Variants in SCN2A observed in about 807,000 individuals in gnomAD.
SCN2A encodes sodium voltage-gated channel alpha subunit 2.
In SCN2A, 20 loss-of-function variants were observed where a neutral mutation model predicts 188.7. The ratio of observed to expected loss-of-function variants is 0.11; its 90% CI spans 0.07 to 0.15. The LOEUF is 0.15. Among genes scored for constraint, SCN2A ranks in the 10% least tolerant of loss-of-function variants. The probability of loss-of-function intolerance (pLI) is 1.00; values close to 1 mark genes in which losing one functional copy is unlikely to be tolerated. For synonymous variants in SCN2A, 804 were observed against 833.1 expected, an observed-to-expected ratio of 0.97 and a Z score of 0.60; for missense variants, 1,278 against 2,445.0, an observed-to-expected ratio of 0.52 and a Z score of 10.07.
At chr2:165,302,697 A>C (rs1327617414) in intron 3 of SCN2A, among the ~76,000 whole-genome samples, 1 of 152,158 alleles carries the variant, frequency 6.6e-6, no homozygotes, top group Non-Finnish European at 1.5e-5. Flanking sequence ...TGAAGCCCAC[A>C]TGGCTGGTAA....
intron 1 of SCN2A, chr2:165,240,962 A>G (rs1693594381): frequency 6.6e-6 from 1 of 152,190 alleles, no homozygotes. Context: ...TTTAAAGAAA[A>G]GCAATTGTAA....
chr2:165,279,588 G>T (rs1208523383), intron 1 of SCN2A, among the ~76,000 whole-genome samples: 1 of 152,034 alleles, frequency 6.6e-6, no homozygotes, highest in South Asian at 2.1e-4. Context: ...AAAATAGATG[G>T]ATGGGAAACA....
chr2:165,242,423 G>A (rs530549495), intron 1 of SCN2A, among the ~76,000 whole-genome samples: 2 of 152,086 alleles, frequency 1.3e-5, no homozygotes, highest in Non-Finnish European at 2.9e-5. Flanking sequence ...ATAGGGATCA[G>A]AAACAATAGA....
At chr2:165,366,621 G>A (rs921710468) in intron 18 of SCN2A, among the ~76,000 whole-genome samples, 1 of 150,604 alleles carries the variant, frequency 6.6e-6, no homozygotes, top group African/African-American at 2.4e-5. Context: ...GGCTGAGGCA[G>A]GAGAATCGCT....
In SCN2A at chr2:165,295,784, G is replaced by T; in HGVS notation, c.-40G>T. On this transcript the variant is annotated 5_prime_UTR_variant, in exon 2 of 27. It removes an upstream start codon present in the reference 5' UTR. Transcript: ENST00000375437. Reference sequence around the variant, plus strand: ...CCCTGTTTCTGTAGCACTTTCTTATGCAAGGAGCTAAACAGTGATTAAAGG... The same window carrying T: ...CCCTGTTTCTGTAGCACTTTCTTATTCAAGGAGCTAAACAGTGATTAAAGG... 6.2e-7 allele frequency: 1 copy of T among 1,613,544 alleles called. No homozygotes were observed. Among genetic ancestry groups the T allele is most frequent in the Non-Finnish European group, 8.5e-7 (1 of 1,179,946 alleles).
intron 1 of SCN2A, among the ~76,000 whole-genome samples, chr2:165,294,463 T>C (rs1040896792): frequency 2.0e-5 from 3 of 151,978 alleles, no homozygotes; most frequent in African/African-American, 4.8e-5. Context: ...TACTTCAACA[T>C]TTTTTTTAAA....
intron 1 of SCN2A, chr2:165,290,680 G>T: frequency 3.0e-6 from 2 of 656,002 alleles, no homozygotes; most frequent in Non-Finnish European, 3.8e-6. Flanking sequence ...TGTAAAGTAA[G>T]ACCTGAATAT....
chr2:165,276,781 A>G (rs1695360924), intron 1 of SCN2A, among the ~76,000 whole-genome samples: 1 of 152,208 alleles, frequency 6.6e-6, no homozygotes, highest in Non-Finnish European at 1.5e-5. Flanking sequence ...GTAAAAAGGA[A>G]TCAGTCTCAA....
Position 165,389,716 on chromosome 2 carries a change from G to A in SCN2A, c.5910G>A (p.Thr1970=), listed in dbSNP as rs75057869. The A allele has an allele frequency of 1.5e-3, 2,480 of 1,613,752 alleles. 46 individuals carry two copies. In the East Asian group the frequency reaches 0.033, roughly 22 times the overall value. The change falls in exon 27 of 27, where the codon ACG becomes ACA. Residue 1970 remains threonine (T), a synonymous_variant. Coordinates refer to ENST00000375437, the MANE Select transcript of SCN2A (RefSeq NM_001040142.2). This position sits in a 1 kb window ranked among gnomAD's most constrained non-coding sequence, Gnocchi z 4.2. ...PEKTDMTPST[T]SPPSYDSVTK... ...AAACCGATATGACGCCTTCCACCAC[G>A]TCTCCACCCTCGTATGATAGTGTGA...
intron 11 of SCN2A, chr2:165,320,462 C>T (rs908290198): frequency 1.3e-5 from 2 of 152,300 alleles, no homozygotes; most frequent in Non-Finnish European, 2.9e-5. Context: ...CAGTAGGGAC[C>T]CTGTGTTGGG....
chr2:165,326,766 T>G (rs745609410), intron 12 of SCN2A, 86 bp from the exon 13 acceptor site: 40 of 1,374,460 alleles, frequency 2.9e-5, no homozygotes, highest in Admixed American at 1.5e-4. Context: ...GGTGTATATT[T>G]AGTTAAATAA....
At position 165,344,809 on chromosome 2, in the gene SCN2A, G is replaced by C; in HGVS notation, c.2817G>C (p.Leu939=). 1 of 1,614,202 alleles carries C rather than the reference G, an allele frequency of 6.2e-7. No homozygotes were observed. Among genetic ancestry groups the C allele is most frequent in the Non-Finnish European group, 8.5e-7 (1 of 1,180,038 alleles). ...FHSFLIVFRV[L]CGEWIETMWD... is the part of the protein sequence containing the mutation. ...CCTTCCTGATCGTGTTCCGCGTGCT[G>C]TGTGGAGAGTGGATAGAGACCATGT... Residue 939 remains leucine, a synonymous_variant, in exon 16 of 27, where the codon CTG becomes CTC. Coordinates refer to ENST00000375437, the MANE Select transcript of SCN2A (RefSeq NM_001040142.2).
In SCN2A at chr2:165,354,343, T is replaced by G; in HGVS notation, c.3071T>G (p.Phe1024Cys). The G allele has an allele frequency of 6.2e-7, 1 of 1,614,102 alleles. No homozygotes were observed. ...TTTGTTAAAAGAAAAATACGTGAAT[T>G]TATTCAGAAAGCCTTTGTTAGGAAG... Reference protein sequence around the residue: ...IDFVKRKIREFIQKAFVRKQK... With the variant: ...IDFVKRKIRECIQKAFVRKQK... The change falls in exon 17 of 27, where the codon TTT (phenylalanine) becomes TGT (cysteine). Residue 1024 changes from phenylalanine (F) to cysteine (C), a missense_variant. Physicochemically the swap from Phe to Cys is radical, Grantham distance 205. Around this residue, in one of 17 missense-constraint regions of SCN2A, gnomAD observed 228 missense variants for 297.3 expected, o/e 0.77. Coordinates refer to ENST00000375437, the MANE Select transcript of SCN2A (RefSeq NM_001040142.2).
At chr2:165,387,703 AAT>A (rs1701947156) in intron 26 of SCN2A, among the ~76,000 whole-genome samples, 1 of 152,128 alleles carries the variant, frequency 6.6e-6, no homozygotes, top group Admixed American at 6.5e-5. Context: ...ACTGGAAGTA[AAT>A]ATAAGAAGAT....
chr2:165,340,298 A>T lies in SCN2A; in HGVS notation c.2389-1998A>T, dbSNP rs990389492. 5.0e-5 allele frequency among the ~76,000 whole-genome samples: 7 copies of T among 140,950 alleles called. No individual in the cohort carries two copies. In the South Asian group the frequency reaches 1.6e-3, roughly 33 times the overall value. 92.5% of individuals were successfully genotyped at this position (140,950 alleles called of 152,430 possible). A position where few individuals can be genotyped will look rare whatever the true frequency, so the allele number is the denominator to read the frequency against. ...ATGTCCATGAAATTTCAAACAATGGAGACCTACTGAACAAAAAAGAAAAGT... is the reference window on the plus strand; with the variant it reads ...ATGTCCATGAAATTTCAAACAATGGTGACCTACTGAACAAAAAAGAAAAGT... On this transcript the variant is annotated intron_variant, in intron 14 of 26. Transcript: ENST00000375437.
intron 1 of SCN2A, chr2:165,273,471 G>T (rs922712465): frequency 2.0e-5 from 3 of 152,020 alleles, no homozygotes; most frequent in African/African-American, 4.8e-5. Flanking sequence ...ACACACTCAA[G>T]ATCTTTTTTA....
chr2:165,289,988 G>A (rs1696027057), intron 1 of SCN2A, among the ~76,000 whole-genome samples: 1 of 152,134 alleles, frequency 6.6e-6, no homozygotes, highest in Non-Finnish European at 1.5e-5. Context: ...CAGCAAGCAT[G>A]AGTTCCACAT....
intron 13 of SCN2A, chr2:165,327,299 T>C (rs891102482): frequency 3.2e-5 from 11 of 346,042 alleles, no homozygotes; most frequent in South Asian, 1.3e-4. Context: ...CTTATACTTA[T>C]GATGATGCTA....
intron 7 of SCN2A, among the ~76,000 whole-genome samples, chr2:165,311,715 CTCTT>C (rs1417676573): frequency 6.6e-6 from 1 of 152,074 alleles, no homozygotes; most frequent in African/African-American, 2.4e-5. Flanking sequence ...AGACTGGCAG[CTCTT>C]TCTTAATGTA....
Sources: allele counts gnomAD v4.1 joint callset (sites outside exome capture counted in the v4.1 genomes callset), GRCh38; gene constraint gnomAD v4.1.1; regional missense constraint gnomAD v4.1.1; non-coding constraint Gnocchi (gnomAD v3.1); transcripts MANE v1.5; gene names NCBI Gene and HGNC (gene_info 2026-07-23, HGNC 2026-07-21).